Variants in RYR2 observed in about 807,000 individuals in gnomAD.
RYR2 encodes cardiac muscle ryanodine receptor-calcium release channel.
RYR2 carries 227 observed loss-of-function variants against 601.1 expected under a neutral mutation model. The ratio of observed to expected loss-of-function variants is 0.38; its 90% CI spans 0.34 to 0.42. The LOEUF is 0.42. Among genes scored for constraint, RYR2 ranks in the 10% least tolerant of loss-of-function variants. RYR2 has a pLI of 1.00. For missense variants in RYR2, 4,646 were observed against 6,156.5 expected (o/e 0.75, Z 8.21); for synonymous variants, 2,223 against 2,175.1 (o/e 1.02, Z -0.61).
At chr1:237,671,146 C>G (rs1463374727) in intron 58 of RYR2, among the ~76,000 whole-genome samples, 1 of 152,118 alleles carries the variant, frequency 6.6e-6, no homozygotes, top group Non-Finnish European at 1.5e-5. Flanking sequence ...CTTTAATTCT[C>G]TTACTGCATG....
chr1:237,502,362 G>A (rs911689079), intron 21 of RYR2, among the ~76,000 whole-genome samples: 4 of 152,102 alleles, frequency 2.6e-5, no homozygotes, highest in Non-Finnish European at 5.9e-5. Flanking sequence ...AACAATTAGC[G>A]ATAAGGTTAC....
At chr1:237,808,805 T>C in intron 99 of RYR2, 96 bp from the exon 100 acceptor site, 3 of 1,143,014 alleles carry the variant, frequency 2.6e-6, no homozygotes, top group Non-Finnish European at 3.9e-6. Context: ...AACACGGCTG[T>C]GTTCTCACTA....
chr1:237,708,250 C>T (rs1413779015), intron 68 of RYR2, among the ~76,000 whole-genome samples: 2 of 151,954 alleles, frequency 1.3e-5, no homozygotes, highest in African/African-American at 4.8e-5. Context: ...GCAGCAATGA[C>T]TTATTAATTT....
intron 3 of RYR2, among the ~76,000 whole-genome samples, chr1:237,339,546 A>G (rs1346643526): frequency 1.3e-5 from 2 of 152,168 alleles, no homozygotes; most frequent in Non-Finnish European, 2.9e-5. Context: ...ATAACTTTAT[A>G]CATAAAAATA....
At chr1:237,405,530 T>TC (rs1703775743) in intron 10 of RYR2, among the ~76,000 whole-genome samples, 1 of 152,372 alleles carries the variant, frequency 6.6e-6, no homozygotes, top group East Asian at 1.9e-4. Flanking sequence ...TGCGTGAATT[T>TC]CACTTGAGAC....
At chr1:237,134,848 G>A (rs1303137546) in intron 1 of RYR2, among the ~76,000 whole-genome samples, 1 of 152,140 alleles carries the variant, frequency 6.6e-6, no homozygotes, top group Non-Finnish European at 1.5e-5. Context: ...TATCATCCCT[G>A]TTTTACAGAT....
intron 40 of RYR2, 86 bp downstream of exon 40, chr1:237,625,890 C>T: frequency 6.8e-7 from 1 of 1,467,648 alleles, no homozygotes; most frequent in Non-Finnish European, 9.2e-7. Context: ...CTGGATGAGC[C>T]AGTGAGATAA....
rs375095599 is a variant in RYR2 at position 237,756,348 on chromosome 1, G to A, written c.11206G>A (p.Ala3736Thr). The A allele has an allele frequency of 3.5e-5, 57 of 1,613,386 alleles. No homozygotes were observed. Among genetic ancestry groups the A allele is most frequent in the African/African-American group, 1.2e-4 (9 of 74,884 alleles). ...YQQARLHDRG[A>T]AEMVLQTISA... Reference sequence around the variant, plus strand: ...GCAAGCCCGACTCCACGATCGTGGCGCGGCTGAGATGGTGCTACAGACAAT... The same window carrying A: ...GCAAGCCCGACTCCACGATCGTGGCACGGCTGAGATGGTGCTACAGACAAT... The change falls in exon 81 of 105, where the codon GCG (alanine) becomes ACG (threonine). Residue 3736 changes from alanine (A) to threonine (T), a missense_variant. This residue lies in a region of RYR2 where 1,497 missense variants were observed against 1,842.6 expected (regional missense o/e 0.81). Transcript: ENST00000366574.
chr1:237,115,236 A>C (rs1451894027), intron 1 of RYR2, among the ~76,000 whole-genome samples: 3 of 149,804 alleles, frequency 2.0e-5, no homozygotes, highest in Admixed American at 6.6e-5. Flanking sequence ...TGGAAACCAC[A>C]CCCCCCCCCT....
intron 9 of RYR2, among the ~76,000 whole-genome samples, chr1:237,387,735 A>C (rs1049613364): frequency 6.6e-6 from 1 of 152,214 alleles, no homozygotes; most frequent in Non-Finnish European, 1.5e-5. Flanking sequence ...TTATAGCTGG[A>C]ATACGAATTT....
intron 19 of RYR2, among the ~76,000 whole-genome samples, chr1:237,495,891 A>G (rs904927244): frequency 5.9e-5 from 9 of 152,230 alleles, no homozygotes; most frequent in African/African-American, 1.9e-4. Flanking sequence ...AATATGATTA[A>G]TGATACACAA....
intron 1 of RYR2, among the ~76,000 whole-genome samples, chr1:237,126,391 G>GCC (rs1671422565): frequency 6.6e-6 from 1 of 152,148 alleles, no homozygotes; most frequent in Non-Finnish European, 1.5e-5. Flanking sequence ...TACTGGGGCT[G>GCC]CCCCCAGCTG....
intron 1 of RYR2, among the ~76,000 whole-genome samples, chr1:237,241,083 A>G (rs901780111): frequency 6.6e-6 from 1 of 152,186 alleles, no homozygotes; most frequent in Non-Finnish European, 1.5e-5. Context: ...AATCTCTTTA[A>G]TTAGAAATGC....
At chr1:237,184,818 A>G (rs1381761891) in intron 1 of RYR2, among the ~76,000 whole-genome samples, 2 of 151,860 alleles carry the variant, frequency 1.3e-5, no homozygotes, top group African/African-American at 4.8e-5. Context: ...TCTTGCTGAA[A>G]GTGATGTCAG....
chr1:237,327,377 C>G (rs940158292), intron 2 of RYR2, among the ~76,000 whole-genome samples: 1 of 152,248 alleles, frequency 6.6e-6, no homozygotes, highest in African/African-American at 2.4e-5. Flanking sequence ...AAATAAAATT[C>G]ATTTGACAGG....
At chr1:237,167,708 CTTTTTTTT>C (rs11288225) in intron 1 of RYR2, among the ~76,000 whole-genome samples, 4,344 of 101,216 alleles carry the variant, frequency 0.043, 231 homozygotes, top group African/African-American at 0.15. Context: ...GATCCACCTC[CTTTTTTTT>C]TTTTTTTTTT....
chr1:237,256,250 T>C (rs769930077), intron 1 of RYR2, among the ~76,000 whole-genome samples: 37 of 152,320 alleles, frequency 2.4e-4, no homozygotes, highest in Admixed American at 9.8e-4. Context: ...TTTCGCCTTC[T>C]GCCATGATTG....
chr1:237,797,984 A>T, intron 96 of RYR2, 53 bp from the exon 97 acceptor site: 2 of 1,501,246 alleles, frequency 1.3e-6, no homozygotes, highest in Non-Finnish European at 1.8e-6. Flanking sequence ...ACACATATAG[A>T]TGATGTTACT....
intron 80 of RYR2, among the ~76,000 whole-genome samples, chr1:237,743,128 C>A (rs994048722): frequency 1.3e-5 from 2 of 151,760 alleles, no homozygotes; most frequent in African/African-American, 4.8e-5. Flanking sequence ...AAATTAGATT[C>A]TTTTTCTTTT....
Sources: allele counts gnomAD v4.1 joint callset (sites outside exome capture counted in the v4.1 genomes callset), GRCh38; gene constraint gnomAD v4.1.1; regional missense constraint gnomAD v4.1.1; transcripts MANE v1.5; gene names NCBI Gene and HGNC (gene_info 2026-07-23, HGNC 2026-07-21).